TRPM3: variants seen among roughly 807,000 people sequenced by gnomAD.
TRPM3 encodes transient receptor potential cation channel subfamily M member 3, also known as long transient receptor potential channel 3.
A neutral mutation model predicts 181.2 loss-of-function variants in TRPM3; 77 were observed. That is an observed-to-expected ratio of 0.42 (90% CI 0.35 to 0.51). The LOEUF (loss-of-function observed/expected upper bound fraction) is 0.51. Among genes scored for constraint, TRPM3 ranks in the 20% least tolerant of loss-of-function variants. TRPM3 has a pLI of 0.01. For missense variants in TRPM3, 1,759 were observed against 2,196.7 expected, an observed-to-expected ratio of 0.80 and a Z score of 3.98; for synonymous variants, 745 against 796.4, an observed-to-expected ratio of 0.94 and a Z score of 1.09.
chr9:70,621,140 A>T, intron 15 of TRPM3, 104 bp downstream of exon 15: 2 of 354,650 alleles, frequency 5.6e-6, no homozygotes, highest in Non-Finnish European at 9.0e-6. Context: ...TTATGTGTAT[A>T]TACACTATAT....
intron 1 of TRPM3, among the ~76,000 whole-genome samples, chr9:71,128,907 T>C (rs944308308): frequency 8.5e-5 from 13 of 152,132 alleles, no homozygotes; most frequent in Admixed American, 2.6e-4. Flanking sequence ...CTCACACCAA[T>C]GAAAGCTGAG....
chr9:70,834,722 G>A (rs79092503), intron 5 of TRPM3, among the ~76,000 whole-genome samples: 1 of 152,276 alleles, frequency 6.6e-6, no homozygotes, highest in East Asian at 1.9e-4. Context: ...TCTTGGAGGA[G>A]GATACTGCAG....
intron 1 of TRPM3, among the ~76,000 whole-genome samples, chr9:71,403,081 G>C (rs932118283): frequency 1.3e-5 from 2 of 152,170 alleles, no homozygotes; most frequent in African/African-American, 4.8e-5. Flanking sequence ...GGCTCACCTA[G>C]AATGGCTCCC....
At chr9:71,038,900 G>T (rs1404795075) in intron 1 of TRPM3, among the ~76,000 whole-genome samples, 1 of 152,156 alleles carries the variant, frequency 6.6e-6, no homozygotes, top group East Asian at 1.9e-4. Context: ...TGCTCAGTCA[G>T]TTCTAAGGCT....
intron 1 of TRPM3, among the ~76,000 whole-genome samples, chr9:71,404,972 A>C (rs2093409982): frequency 6.6e-6 from 1 of 152,202 alleles, no homozygotes; most frequent in South Asian, 2.1e-4. Context: ...GCATTGGTCC[A>C]TGACCCCTTC....
At chr9:71,161,606 A>C (rs2076275751) in intron 1 of TRPM3, among the ~76,000 whole-genome samples, 1 of 152,174 alleles carries the variant, frequency 6.6e-6, no homozygotes, top group African/African-American at 2.4e-5. Flanking sequence ...AAAGAAAAAC[A>C]GTTTCAGAAA....
chr9:70,877,563 C>T (rs2095890393), intron 1 of TRPM3, among the ~76,000 whole-genome samples: 1 of 151,848 alleles, frequency 6.6e-6, no homozygotes, highest in African/African-American at 2.4e-5. Flanking sequence ...TTCTAAGATT[C>T]CTGTTTGGGA....
At chr9:70,995,748 C>T (rs967849035) in intron 1 of TRPM3, among the ~76,000 whole-genome samples, 3 of 152,078 alleles carry the variant, frequency 2.0e-5, no homozygotes, top group African/African-American at 7.2e-5. Flanking sequence ...ATGCCAGGCT[C>T]TTAAAAAATA....
intron 22 of TRPM3, among the ~76,000 whole-genome samples, chr9:70,556,828 A>C (rs2047830462): frequency 6.6e-6 from 1 of 152,190 alleles, no homozygotes; most frequent in Non-Finnish European, 1.5e-5. Context: ...GGGAGTAATA[A>C]TGGTATATTA....
At chr9:71,170,484 A>G (rs975835706) in intron 1 of TRPM3, among the ~76,000 whole-genome samples, 2 of 152,184 alleles carry the variant, frequency 1.3e-5, no homozygotes, top group African/African-American at 4.8e-5. Context: ...TTAGTAAAAC[A>G]AACCTGTTGT....
chr9:71,307,689 C>A (rs1169314253), intron 1 of TRPM3, among the ~76,000 whole-genome samples: 5 of 152,194 alleles, frequency 3.3e-5, no homozygotes, highest in African/African-American at 1.2e-4. Context: ...AAAGTTCCAT[C>A]TTGGATGTAC....
At chr9:71,259,578 A>G (rs1283184475) in intron 1 of TRPM3, among the ~76,000 whole-genome samples, 3 of 151,992 alleles carry the variant, frequency 2.0e-5, no homozygotes, top group Non-Finnish European at 4.4e-5. Context: ...TTTAATGATC[A>G]CTATTCTAAC....
chr9:71,053,660 G>A (rs2060319206), intron 1 of TRPM3, among the ~76,000 whole-genome samples: 1 of 152,096 alleles, frequency 6.6e-6, no homozygotes, highest in South Asian at 2.1e-4. Flanking sequence ...AAATGTCTAA[G>A]GGTCTAACTG....
chr9:70,917,861 A>AT (rs1389478421), intron 1 of TRPM3, among the ~76,000 whole-genome samples: 9 of 152,116 alleles, frequency 5.9e-5, no homozygotes, highest in East Asian at 1.9e-4. Context: ...CACTCAATGG[A>AT]TAAAAAAAAC....
chr9:70,795,190 A>G (rs191684724), intron 6 of TRPM3, among the ~76,000 whole-genome samples: 2 of 152,334 alleles, frequency 1.3e-5, no homozygotes, highest in African/African-American at 4.8e-5. Context: ...CCAATCCCCC[A>G]TGGACATTGA....
chr9:71,060,250 AG>A (rs1300837913), intron 1 of TRPM3, among the ~76,000 whole-genome samples: 2 of 152,180 alleles, frequency 1.3e-5, no homozygotes, highest in East Asian at 3.9e-4. Flanking sequence ...AAGTTAGAAA[AG>A]GGACTCCTTG....
At chr9:70,817,300 T>G (rs2092779157) in intron 6 of TRPM3, among the ~76,000 whole-genome samples, 1 of 152,196 alleles carries the variant, frequency 6.6e-6, no homozygotes, top group African/African-American at 2.4e-5. Flanking sequence ...GGCCTCCCCT[T>G]GCTCTTTTTT....
intron 3 of TRPM3, among the ~76,000 whole-genome samples, chr9:70,860,683 T>C (rs1589319151): frequency 6.6e-6 from 1 of 152,326 alleles, no homozygotes; most frequent in Admixed American, 6.5e-5. Context: ...TTTGGCTTTC[T>C]AAAATAAAAT....
chr9:70,810,092 C>T (rs765120325), intron 6 of TRPM3: 4 of 534,280 alleles, frequency 7.5e-6, no homozygotes, highest in South Asian at 4.2e-5. Context: ...GCCATGGGTA[C>T]GCGATCAGGA....
Sources: allele counts gnomAD v4.1 joint callset (sites outside exome capture counted in the v4.1 genomes callset), GRCh38; gene constraint gnomAD v4.1.1; transcripts MANE v1.5; gene names NCBI Gene and HGNC (gene_info 2026-07-23, HGNC 2026-07-21).